ZNF469: variants seen among roughly 807,000 people sequenced by gnomAD.
ZNF469 encodes zinc finger protein 469.
ZNF469 carries 1 observed loss-of-function variant against 1.0 expected under a neutral mutation model. The observed-to-expected ratio is 1.00, with a 90% CI of 0.35 to 4.73. ZNF469 has a LOEUF of 4.73. ZNF469 is among the 30% of genes most tolerant of loss of function. The pLI, the probability that ZNF469 is intolerant of heterozygous loss-of-function variation, is 0.16. For missense variants in ZNF469, 6,100 were observed against 5,356.3 expected (o/e 1.14, Z -4.33); for synonymous variants, 2,703 against 2,363.4 (o/e 1.14, Z -4.17).
the ZNF469 span, among the ~76,000 whole-genome samples, chr16:88,348,078 C>T: frequency 1.3e-5 from 2 of 152,372 alleles, no homozygotes; most frequent in Admixed American, 6.5e-5. Flanking sequence ...AGCAGCGGGT[C>T]GGAGCCTGAG....
chr16:88,229,638 T>TGTGGATGTAACGA, the ZNF469 span, among the ~76,000 whole-genome samples: 3 of 133,074 alleles, frequency 2.3e-5, no homozygotes, highest in South Asian at 7.0e-4. Flanking sequence ...GGATGTCACG[T>TGTGGATGTAACGA]GTGTGTGCTG....
rs1226878514 is a variant in ZNF469, at chr16:88,437,381, C to A, written c.9911C>A (p.Pro3304His). The A allele has an allele frequency of 6.5e-7, 1 of 1,536,958 alleles. No individual in the cohort carries two copies. The highest frequency in any genetic ancestry group is 1.2e-5 in the South Asian group (1 of 82,848). The part of the protein sequence containing the change: ...TALADAGSPG[P>H]PRTTPSPSPD... ...CTGGCTGACGCCGGCAGCCCGGGCC[C>A]CCCCAGGACGACCCCCAGCCCGTCC... The change falls in exon 3 of 3, where the codon CCC (proline) becomes CAC (histidine). Residue 3304 changes from proline to histidine, a missense_variant. Pro to His is a moderately conservative substitution (Grantham distance 77). Transcript: ENST00000565624.
the ZNF469 span, among the ~76,000 whole-genome samples, chr16:88,241,601 C>T: frequency 7.2e-5 from 11 of 152,266 alleles, no homozygotes; most frequent in South Asian, 4.2e-4. This position sits in a 1 kb window ranked among gnomAD's most constrained non-coding sequence, Gnocchi z 4.8. Context: ...TCCTGGCAGG[C>T]GCTTGCAGAG....
the ZNF469 span, among the ~76,000 whole-genome samples, chr16:88,115,369 A>G: frequency 6.6e-6 from 1 of 151,936 alleles, no homozygotes; most frequent in East Asian, 1.9e-4. Context: ...TGACGCTCAT[A>G]TGTCCCGGCT....
the ZNF469 span, among the ~76,000 whole-genome samples, chr16:88,145,667 G>A: frequency 3.3e-5 from 5 of 152,374 alleles, no homozygotes; most frequent in South Asian, 1.0e-3. Flanking sequence ...GCTGGATGTT[G>A]TGTCCTGGCT....
chr16:88,129,433 C>CA, the ZNF469 span, among the ~76,000 whole-genome samples: 41 of 96,714 alleles, frequency 4.2e-4, no homozygotes, highest in African/African-American at 9.9e-4. Context: ...TTGCACATAC[C>CA]GTTTTTTTTG....
the ZNF469 span, among the ~76,000 whole-genome samples, chr16:88,314,350 G>A: frequency 6.8e-6 from 1 of 147,888 alleles, no homozygotes; most frequent in Non-Finnish European, 1.5e-5. Flanking sequence ...GCGCTGGTGT[G>A]GGCTGTCTCT....
chr16:88,416,049 GA>G (rs1019592396), intron 1 of ZNF469, among the ~76,000 whole-genome samples: 2 of 151,948 alleles, frequency 1.3e-5, no homozygotes, highest in African/African-American at 4.8e-5. Context: ...ACTTTTAATT[GA>G]AAAAGGAGGC....
At chr16:88,365,111 G>C in the ZNF469 span, among the ~76,000 whole-genome samples, 1 of 152,204 alleles carries the variant, frequency 6.6e-6, no homozygotes, top group Non-Finnish European at 1.5e-5. Flanking sequence ...AAATGAAATA[G>C]CATTATTTTG....
At position 88,433,926 on chromosome 16, in the gene ZNF469, A is replaced by T; in HGVS notation, c.6456A>T (p.Ala2152=). ...AQGGLGGQLP[A]SPSCRDPPGP... ...GTGGGCTGGGGGGGCAGCTGCCAGC[A>T]TCTCCGTCCTGCAGGGACCCTCCCG... Residue 2152 remains alanine, a synonymous_variant, in exon 3 of 3, where the codon GCA becomes GCT. Coordinates refer to ENST00000565624, the MANE Select transcript of ZNF469 (RefSeq NM_001367624.2). The T allele has an allele frequency of 1.3e-6, 2 of 1,549,542 alleles. No homozygotes were observed. The highest frequency in any genetic ancestry group is 2.4e-5 in the South Asian group (2 of 84,052).
chr16:88,112,355 G>A, the ZNF469 span, among the ~76,000 whole-genome samples: 11 of 152,176 alleles, frequency 7.2e-5, no homozygotes, highest in Admixed American at 3.3e-4. Flanking sequence ...TTGAGGAACC[G>A]CCAAACTGTT....
At position 88,427,494 on chromosome 16, in the gene ZNF469, A is replaced by G. The variant is rs551558555; in HGVS notation, c.24A>G (p.Gly8=). 2.7e-5 allele frequency: 41 copies of G among 1,526,060 alleles called. No individual in the cohort carries two copies. In the African/African-American group the frequency reaches 5.4e-4, roughly 20 times the overall value. 94.5% of individuals were successfully genotyped at this position (1,526,060 alleles called of 1,614,324 possible). The stretch of plus-strand genomic sequence containing the variant: ...CCATGCCTGGGGAGCGCCCCCGAGG[A>G]GCGCCGCCCCCCACCATGACTGGAG... MPGERPR[G]APPPTMTGDL... The change falls in exon 3 of 3, where the codon GGA becomes GGG. Residue 8 remains glycine, a synonymous_variant. Coordinates refer to ENST00000565624, the MANE Select transcript of ZNF469 (RefSeq NM_001367624.2).
intron 1 of ZNF469, among the ~76,000 whole-genome samples, chr16:88,422,246 G>A (rs554548434): frequency 3.7e-4 from 56 of 149,588 alleles, no homozygotes; most frequent in Non-Finnish European, 2.8e-4. Context: ...ATGAATGGTA[G>A]AAGCATGGAT....
Position 88,431,268 on chromosome 16 carries a change from G to A in ZNF469, c.3798G>A (p.Glu1266=). The change falls in exon 3 of 3, where the codon GAG becomes GAA. Residue 1266 remains glutamate (E), a synonymous_variant. Transcript: ENST00000565624. ...MGASPGLLIP[E]QPPPSRHDTG... ...CAAGCCCCGGTCTCCTGATACCAGA[G>A]CAGCCGCCGCCCAGCAGACATGACA... 1.9e-6 allele frequency: 3 copies of A among 1,550,348 alleles called. No individual in the cohort carries two copies. The highest frequency in any genetic ancestry group is 2.6e-6 in the Non-Finnish European group (3 of 1,146,974).
chr16:88,422,272 T>A (rs1905488217), intron 1 of ZNF469, among the ~76,000 whole-genome samples: 1 of 15,412 alleles, frequency 6.5e-5, no homozygotes, highest in Non-Finnish European at 2.1e-4. Flanking sequence ...GGTGGATGGA[T>A]AGGTGGGTAA....
chr16:88,175,890 G>A, the ZNF469 span, among the ~76,000 whole-genome samples: 1 of 152,202 alleles, frequency 6.6e-6, no homozygotes, highest in African/African-American at 2.4e-5. Flanking sequence ...TTTAATTCTG[G>A]AGTTGGAGGA....
At chr16:88,290,484 A>G in the ZNF469 span, among the ~76,000 whole-genome samples, 4 of 152,308 alleles carry the variant, frequency 2.6e-5, no homozygotes, top group South Asian at 8.3e-4. Context: ...AGCCATGTTC[A>G]GGTTCACACA....
chr16:88,134,732 G>A, the ZNF469 span, among the ~76,000 whole-genome samples: 1 of 152,222 alleles, frequency 6.6e-6, no homozygotes, highest in African/African-American at 2.4e-5. Flanking sequence ...CCGTCTGGCA[G>A]GTGGCCTGGG....
rs576267702 is a variant in ZNF469 at position 88,436,704 on chromosome 16, C to T, written c.9234C>T (p.Phe3078=). ...VGLPGPSFLD[F]EGTASSQGPQ... ...TCCCCGGCCCCAGCTTCTTAGACTT[C>T]GAGGGCACGGCGAGCTCACAGGGGC... The change falls in exon 3 of 3, where the codon TTC becomes TTT. Residue 3078 remains phenylalanine (F), a synonymous_variant. Coordinates refer to ENST00000565624, the MANE Select transcript of ZNF469 (RefSeq NM_001367624.2). 1.9e-6 allele frequency: 3 copies of T among 1,549,680 alleles called. No homozygotes were observed. Among genetic ancestry groups the T allele is most frequent in the East Asian group, 4.9e-5 (2 of 40,902 alleles).
Sources: allele counts gnomAD v4.1 joint callset (sites outside exome capture counted in the v4.1 genomes callset), GRCh38; gene constraint gnomAD v4.1.1; non-coding constraint Gnocchi (gnomAD v3.1); transcripts MANE v1.5; gene names NCBI Gene and HGNC (gene_info 2026-07-23, HGNC 2026-07-21).